Variants in RBFOX1 observed in about 807,000 individuals in gnomAD.
The protein encoded by RBFOX1 is RNA binding protein fox-1 homolog 1.
Under a neutral mutation model 57.7 loss-of-function variants are expected in RBFOX1, and 8 were observed. That is an observed-to-expected ratio of 0.14 (90% CI 0.08 to 0.25). RBFOX1 has a LOEUF of 0.25. Ranked by LOEUF, RBFOX1 falls within the 10% of genes least tolerant of loss-of-function variation. RBFOX1 has a pLI of 1.00. For synonymous variants in RBFOX1, 326 were observed against 222.4 expected (o/e 1.47, Z -4.15); for missense variants, 611 against 548.5 (o/e 1.11, Z -1.14).
chr16:6,599,100 G>A (rs774590594), intron 2 of RBFOX1, among the ~76,000 whole-genome samples: 2 of 152,190 alleles, frequency 1.3e-5, no homozygotes, highest in South Asian at 4.1e-4. Context: ...ATACCAGTCA[G>A]TATGTTCCAA....
At chr16:7,083,207 T>C (rs1171240282) in intron 4 of RBFOX1, among the ~76,000 whole-genome samples, 1 of 152,058 alleles carries the variant, frequency 6.6e-6, no homozygotes. Context: ...GAATGTTCCA[T>C]TCCGTCTGTT....
At chr16:6,236,399 A>G (rs2097505263) in intron 1 of RBFOX1, among the ~76,000 whole-genome samples, 1 of 152,054 alleles carries the variant, frequency 6.6e-6, no homozygotes, top group African/African-American at 2.4e-5. Flanking sequence ...CCTGAAATAC[A>G]GGAAATACCC....
In RBFOX1 at chr16:6,049,528, T is replaced by C. The variant is rs375580817; in HGVS notation, c.-127+29536T>C. ...AAATACCAGATATCATATCATTGTT[T>C]TCTTAAATATTTCAGGTTGCATCTC... On this transcript the variant is annotated intron_variant, in intron 1 of 15. Transcript: ENST00000550418. 2.1e-4 allele frequency among the ~76,000 whole-genome samples: 32 copies of C among 152,314 alleles called. No individual in the cohort carries two copies. The East Asian group carries it at 6.2e-3, about 29-fold the overall frequency.
chr16:6,263,778 T>G (rs956451054), intron 1 of RBFOX1, among the ~76,000 whole-genome samples: 1 of 152,212 alleles, frequency 6.6e-6, no homozygotes, highest in African/African-American at 2.4e-5. Flanking sequence ...TTAAATATCT[T>G]GATGTCTTCA....
At chr16:5,674,219 A>G (rs1008925309) in intron 3 of RBFOX1, among the ~76,000 whole-genome samples, 3 of 152,258 alleles carry the variant, frequency 2.0e-5, no homozygotes, top group Non-Finnish European at 4.4e-5. Context: ...TGGAAGGAGC[A>G]TAGGGTATTC....
chr16:6,262,042 A>G (rs2097704720), intron 1 of RBFOX1, among the ~76,000 whole-genome samples: 1 of 152,192 alleles, frequency 6.6e-6, no homozygotes, highest in East Asian at 1.9e-4. Flanking sequence ...AAAACAAAAA[A>G]AAAAGAAAGA....
intron 3 of RBFOX1, among the ~76,000 whole-genome samples, chr16:6,957,676 G>T (rs184574057): frequency 3.3e-5 from 5 of 152,250 alleles, no homozygotes; most frequent in Middle Eastern, 3.4e-3. Context: ...GACTTAGAAT[G>T]CCTTAACCTC....
intron 11 of RBFOX1, among the ~76,000 whole-genome samples, chr16:7,647,907 CAT>C (rs1336050302): frequency 6.6e-6 from 1 of 152,174 alleles, no homozygotes; most frequent in Admixed American, 6.5e-5. Flanking sequence ...TCAAAGTAAA[CAT>C]GTAAGAGGTT....
At chr16:5,368,792 G>C (rs532084338) in intron 1 of RBFOX1, among the ~76,000 whole-genome samples, 1 of 152,192 alleles carries the variant, frequency 6.6e-6, no homozygotes, top group South Asian at 2.1e-4. Context: ...CTCCAATCCA[G>C]GGTCTTCTGG....
In RBFOX1 at chr16:5,809,495, C is replaced by T. The variant is rs565147212; in HGVS notation, c.319-57808C>T. Among the ~76,000 whole-genome samples, 125 of 152,190 alleles carry T rather than the reference C, an allele frequency of 8.2e-4. 3 individuals are homozygous for T. In the South Asian group the frequency reaches 0.025, roughly 31 times the overall value. ...TTTACAAGAAAAAAACAAACAACCC[C>T]ATCAAAAACTGGACGAAGGACATGA... On this transcript the variant is annotated intron_variant, in intron 3 of 19. Coordinates refer to the RBFOX1 transcript ENST00000641259.
At chr16:7,376,065 T>A (rs145036131) in intron 4 of RBFOX1, among the ~76,000 whole-genome samples, 36 of 152,286 alleles carry the variant, frequency 2.4e-4, no homozygotes, top group Admixed American at 1.0e-3. Context: ...TTCTGAAAAG[T>A]ACATTGTAAA....
intron 4 of RBFOX1, among the ~76,000 whole-genome samples, chr16:7,293,660 A>G (rs2095837644): frequency 6.6e-6 from 1 of 152,154 alleles, no homozygotes; most frequent in Non-Finnish European, 1.5e-5. Flanking sequence ...AAAACTTGGA[A>G]TCCTAGAGAT....
chr16:6,497,070 A>G (rs191044155), intron 2 of RBFOX1, among the ~76,000 whole-genome samples: 1 of 152,368 alleles, frequency 6.6e-6, no homozygotes, highest in East Asian at 1.9e-4. Flanking sequence ...CTTAGGTAGC[A>G]TAAGAAGTCA....
chr16:6,645,214 C>G (rs1309542059), intron 2 of RBFOX1, among the ~76,000 whole-genome samples: 1 of 152,170 alleles, frequency 6.6e-6, no homozygotes, highest in Non-Finnish European at 1.5e-5. Context: ...CCAGATAATA[C>G]AGAATTTTCT....
intron 3 of RBFOX1, among the ~76,000 whole-genome samples, chr16:6,765,106 T>C (rs1210436842): frequency 2.0e-5 from 3 of 152,060 alleles, no homozygotes; most frequent in African/African-American, 7.2e-5. Context: ...GGAAGCGTGC[T>C]CTAGGCTGAT....
At chr16:6,025,223 A>G (rs943202280) in intron 1 of RBFOX1, among the ~76,000 whole-genome samples, 9 of 152,220 alleles carry the variant, frequency 5.9e-5, no homozygotes, top group East Asian at 1.9e-4. Flanking sequence ...ATTCATTTCT[A>G]TGACCAGATT....
chr16:7,682,563 C>G (rs1183605272), intron 14 of RBFOX1, among the ~76,000 whole-genome samples: 2 of 143,040 alleles, frequency 1.4e-5, no homozygotes, highest in African/African-American at 5.2e-5. Flanking sequence ...TTTTTTTAAT[C>G]TTTTATTTTT....
chr16:6,026,045 A>G (rs4786808), intron 1 of RBFOX1, among the ~76,000 whole-genome samples: 144,487 of 152,126 alleles, frequency 0.95, 68,649 homozygotes, highest in African/African-American at 0.98. Context: ...AGTTCACCTT[A>G]TTCGATTCCT....
At chr16:6,640,318 C>G (rs2098476633) in intron 2 of RBFOX1, among the ~76,000 whole-genome samples, 1 of 151,868 alleles carries the variant, frequency 6.6e-6, no homozygotes, top group Non-Finnish European at 1.5e-5. Flanking sequence ...AATTTAAATC[C>G]TTCATAGAGG....
Sources: allele counts gnomAD v4.1 joint callset (sites outside exome capture counted in the v4.1 genomes callset), GRCh38; gene constraint gnomAD v4.1.1; transcripts MANE v1.5; gene names NCBI Gene and HGNC (gene_info 2026-07-23, HGNC 2026-07-21).